SLC12A3: variants seen among roughly 807,000 people sequenced by gnomAD.
SLC12A3 encodes the protein solute carrier family 12 member 3.
SLC12A3 carries 104 observed loss-of-function variants against 121.0 expected under a neutral mutation model. The ratio of observed to expected loss-of-function variants is 0.86; its 90% CI spans 0.73 to 1.01. The LOEUF (loss-of-function observed/expected upper bound fraction) is 1.01, where lower values mean the gene tolerates loss of function less well. SLC12A3 is among the 50% of genes least tolerant of loss of function. The pLI is 0.00. For missense variants in SLC12A3, 1,328 were observed against 1,356.3 expected, an observed-to-expected ratio of 0.98 and a Z score of 0.33; for synonymous variants, 536 against 533.4, an observed-to-expected ratio of 1.00 and a Z score of -0.07.
chr16:56,913,646 C>A lies in SLC12A3; in HGVS notation c.*241C>A, dbSNP rs936582427. On this transcript the variant is annotated 3_prime_UTR_variant, in exon 26 of 26. Transcript: ENST00000563236. ...ATAGCAGATGGAGCTGCAAGGAAAA[C>A]TCTCTAAAGCATCCTATTCCTTTTA... 3.5e-6 allele frequency: 2 copies of A among 570,520 alleles called. No individual in the cohort carries two copies. The highest frequency in any genetic ancestry group is 1.9e-5 in the African/African-American group (1 of 53,196). 35.3% of individuals were successfully genotyped at this position (570,520 alleles called of 1,614,324 possible). A position where few individuals can be genotyped will look rare whatever the true frequency, so the allele number is the denominator to read the frequency against.
In SLC12A3 at chr16:56,870,866, C is replaced by A. The variant is rs117160095; in HGVS notation, c.852+130C>A. ...TTTTTTTTTTTTTGAGACAGAATCT[C>A]GCTCGATGTCCATGCTGGAGTGCAG... On this transcript the variant is annotated intron_variant, in intron 6 of 25. Coordinates refer to ENST00000563236, the MANE Select transcript of SLC12A3 (RefSeq NM_001126108.2). 8,990 of 613,450 alleles carry A rather than the reference C, an allele frequency of 0.015. 427 individuals are homozygous for A. The highest frequency in any genetic ancestry group is 0.098 in the Admixed American group (3,684 of 37,554). 38.0% of individuals were successfully genotyped at this position (613,450 alleles called of 1,614,324 possible).
Position 56,913,373 on chromosome 16 carries a change from C to A in SLC12A3, c.3034C>A (p.Gln1012Lys). 2 of 1,614,194 alleles carry A rather than the reference C, an allele frequency of 1.2e-6. No individual in the cohort carries two copies. The highest frequency in any genetic ancestry group is 1.7e-6 in the Non-Finnish European group (2 of 1,180,028). ...RPPVILIRGN[Q>K]ENVLTFYCQ Reference sequence around the variant, plus strand: ...TCCAGTCATCCTGATCCGAGGAAACCAGGAAAACGTGCTCACCTTTTACTG... The same window carrying A: ...TCCAGTCATCCTGATCCGAGGAAACAAGGAAAACGTGCTCACCTTTTACTG... The change falls in exon 26 of 26, where the codon CAG (glutamine) becomes AAG (lysine). Residue 1012 changes from glutamine (Q) to lysine (K), a missense_variant. Transcript: ENST00000563236.
intron 22 of SLC12A3, among the ~76,000 whole-genome samples, chr16:56,896,315 C>A (rs1259858500): frequency 2.0e-5 from 3 of 152,216 alleles, no homozygotes; most frequent in African/African-American, 7.2e-5. Flanking sequence ...TGCTTGTCTC[C>A]CGGAGCAAGA....
At position 56,892,136 on chromosome 16, in the gene SLC12A3, G is replaced by T; in HGVS notation, c.2419+3G>T. On this transcript the variant is annotated splice_donor_region_variant and intron_variant, in intron 20 of 25. Transcript: ENST00000563236. ...CGGGAAGGAAGCCAGCGCCAGAGGT[G>T]CCAGGCCATCAGTCTCTGGCGCTTG... The T allele has an allele frequency of 1.2e-6, 2 of 1,613,570 alleles. No individual in the cohort carries two copies. Among genetic ancestry groups the T allele is most frequent in the Non-Finnish European group, 1.7e-6 (2 of 1,179,574 alleles).
At chr16:56,894,040 G>C (rs1272605199) in intron 21 of SLC12A3, among the ~76,000 whole-genome samples, 1 of 150,190 alleles carries the variant, frequency 6.7e-6, no homozygotes, top group Non-Finnish European at 1.5e-5. Context: ...GTCTCACTCT[G>C]TTGCCCAGGC....
intron 9 of SLC12A3, 35 bp downstream of exon 9, chr16:56,878,196 G>A (rs773821910): frequency 5.3e-6 from 8 of 1,507,654 alleles, no homozygotes; most frequent in Admixed American, 5.0e-5. Context: ...GGAGGGGGAG[G>A]GACCTGGCCT....
intron 21 of SLC12A3, 85 bp from the exon 22 acceptor site, chr16:56,894,446 C>A: frequency 1.1e-6 from 1 of 935,440 alleles, no homozygotes; most frequent in Non-Finnish European, 1.7e-6. Context: ...AAGGGGTTTG[C>A]TAATGGCAGA....
intron 19 of SLC12A3, among the ~76,000 whole-genome samples, chr16:56,891,123 C>G (rs2055382595): frequency 6.6e-6 from 1 of 151,850 alleles, no homozygotes; most frequent in Non-Finnish European, 1.5e-5. Context: ...TCTGTAATCC[C>G]AGCACTTTGG....
chr16:56,871,684 C>T (rs559312724), intron 6 of SLC12A3, among the ~76,000 whole-genome samples: 9 of 152,296 alleles, frequency 5.9e-5, no homozygotes, highest in Admixed American at 3.3e-4. Context: ...AAATGAGCTC[C>T]ACCCAGTCCC....
At position 56,904,467 on chromosome 16, in the gene SLC12A3, G is replaced by A. The variant is rs2055581097; in HGVS notation, c.2924+5G>A. The A allele has an allele frequency of 6.2e-7, 1 of 1,613,462 alleles. No individual in the cohort carries two copies. Among genetic ancestry groups the A allele is most frequent in the South Asian group, 1.1e-5 (1 of 91,084 alleles). On this transcript the variant is annotated splice_donor_5th_base_variant and intron_variant, in intron 25 of 25. Transcript: ENST00000563236. The stretch of plus-strand genomic sequence containing the variant: ...AGACGCTGCTCTCATCGTCATGTAA[G>A]TAGTGCCCGGCTGGTGGGAGGACCA...
At chr16:56,902,710 G>T (rs1452154125) in intron 24 of SLC12A3, among the ~76,000 whole-genome samples, 5 of 152,172 alleles carry the variant, frequency 3.3e-5, no homozygotes, top group Admixed American at 1.3e-4. Flanking sequence ...TGACCTGGGA[G>T]CCTGGTCCTC....
chr16:56,867,164 G>T lies in SLC12A3; in HGVS notation c.377G>T (p.Ser126Ile), dbSNP rs2144682443. 2 of 1,614,008 alleles carry T rather than the reference G, an allele frequency of 1.2e-6. No individual in the cohort carries two copies. The highest frequency in any genetic ancestry group is 8.5e-7 in the Non-Finnish European group (1 of 1,180,000). The stretch of plus-strand genomic sequence containing the variant: ...GTGGAGGGCGAGGCAGGCACCAGCA[G>T]CGAGAAGAACCCCGAGGAGCCAGTG... ...GLVEGEAGTS[S>I]EKNPEEPVRF... is the part of the protein sequence containing the mutation. Residue 126 changes from serine (S) to isoleucine (I), a missense_variant, in exon 2 of 26, where the codon AGC becomes ATC. Physicochemically the swap from Ser to Ile is moderately radical, Grantham distance 142. Transcript: ENST00000563236.
chr16:56,872,379 T>A lies in SLC12A3; in HGVS notation c.881T>A (p.Met294Lys), dbSNP rs546996358. 1 of 1,614,158 alleles carries A rather than the reference T, an allele frequency of 6.2e-7. No homozygotes were observed. The highest frequency in any genetic ancestry group is 1.7e-5 in the Admixed American group (1 of 60,032). ...CAGGTGCTGTTCTTCCTTGTCATCA[T>A]GGTCTCCTTTGCCAACTATTTAGTG... ...KAQVLFFLVI[M>K]VSFANYLVGT... Residue 294 changes from methionine (M) to lysine (K), a missense_variant, in exon 7 of 26, where the codon ATG becomes AAG. Coordinates refer to ENST00000563236, the MANE Select transcript of SLC12A3 (RefSeq NM_001126108.2).
chr16:56,908,468 T>C (rs769850198), intron 25 of SLC12A3, among the ~76,000 whole-genome samples: 2 of 152,058 alleles, frequency 1.3e-5, no homozygotes, highest in Non-Finnish European at 2.9e-5. Context: ...TAATTTATAG[T>C]GTAGTCAATT....
Position 56,892,229 on chromosome 16 carries a change from A to T in SLC12A3, c.2419+96A>T, listed in dbSNP as rs1408324875. 17 of 1,133,198 alleles carry T rather than the reference A, an allele frequency of 1.5e-5. No individual in the cohort carries two copies. The Admixed American group carries it at 2.4e-4, about 16-fold the overall frequency. The allele number at this position is 1,133,198 out of a possible 1,614,324, so 70.2% of individuals were successfully genotyped here. On this transcript the variant is annotated intron_variant, in intron 20 of 25. Transcript: ENST00000563236. The stretch of plus-strand genomic sequence containing the variant: ...GGTGGCTAGGGGTGGGCCACTTGGG[A>T]ACTTGGTCGAGGACAGGTGGTTTTT...
At chr16:56,893,185 GC>G in intron 21 of SLC12A3, 131 bp downstream of exon 21, 1 of 709,836 alleles carries the variant, frequency 1.4e-6, no homozygotes, top group Non-Finnish European at 2.5e-6. Context: ...GCTCAGGGGA[GC>G]CCAGAGGGAC....
At chr16:56,904,357 T>G in intron 24 of SLC12A3, 38 bp from the exon 25 acceptor site, 4 of 1,594,546 alleles carry the variant, frequency 2.5e-6, no homozygotes, top group Non-Finnish European at 3.4e-6. Flanking sequence ...GTGACCTCGA[T>G]GATATGGGAA....
intron 8 of SLC12A3, 36 bp from the exon 9 acceptor site, chr16:56,878,041 T>TCTCTCCCCCCCCCCCCCC: frequency 7.6e-6 from 3 of 393,156 alleles, no homozygotes; most frequent in South Asian, 6.4e-5. Flanking sequence ...CCTCTCTCCC[T>TCTCTCCCCCCCCCCCCCC]CCCTCCCTCC....
In SLC12A3 at chr16:56,887,772, T is replaced by TTTTATATATATATATATATATATA. The variant is rs796502149; in HGVS notation, c.2179-152_2179-151insTTATATATATATATATATATATAT. ...TTGTGCAAAACAAAAATTTTTAAGA[T>TTTTATATATATATATATATATATA]TATATATATATATATATATATATAT... On this transcript the variant is annotated intron_variant, in intron 17 of 25. Transcript: ENST00000563236. 5.8e-4 allele frequency among the ~76,000 whole-genome samples: 35 copies of TTTTATATATATATATATATATATA among 59,922 alleles called. 2 individuals carry two copies. Among genetic ancestry groups the TTTTATATATATATATATATATATA allele is most frequent in the Middle Eastern group, 0.022 (2 of 92 alleles). The allele number at this position is 59,922 out of a possible 152,430, so 39.3% of individuals were successfully genotyped here.
Sources: allele counts gnomAD v4.1 joint callset (sites outside exome capture counted in the v4.1 genomes callset), GRCh38; gene constraint gnomAD v4.1.1; transcripts MANE v1.5; gene names NCBI Gene and HGNC (gene_info 2026-07-23, HGNC 2026-07-21).